LINGO1: variants seen among roughly 807,000 people sequenced by gnomAD.
The protein encoded by LINGO1 is leucine-rich repeat and immunoglobulin-like domain-containing nogo receptor-interacting protein 1.
A neutral mutation model predicts 37.3 loss-of-function variants in LINGO1; 11 were observed. The observed-to-expected ratio is 0.29, with a 90% CI of 0.19 to 0.49. LINGO1 has a LOEUF of 0.49. Ranked by LOEUF, LINGO1 falls within the 20% of genes least tolerant of loss-of-function variation. The pLI is 0.99. For synonymous variants in LINGO1, 387 were observed against 403.0 expected, an observed-to-expected ratio of 0.96 and a Z score of 0.48; for missense variants, 585 against 878.2, an observed-to-expected ratio of 0.67 and a Z score of 4.22.
intron 1 of LINGO1, among the ~76,000 whole-genome samples, chr15:77,616,613 C>T (rs913090642): frequency 6.6e-6 from 1 of 152,170 alleles, no homozygotes; most frequent in Non-Finnish European, 1.5e-5. Context: ...CCTGAAGCTG[C>T]CCTCCCTCCT....
At chr15:77,617,653 T>C (rs189632889) in intron 1 of LINGO1, among the ~76,000 whole-genome samples, 2 of 152,316 alleles carry the variant, frequency 1.3e-5, no homozygotes, top group Admixed American at 6.5e-5. Flanking sequence ...TTGTCATCCA[T>C]GCATCAGCCA....
chr15:77,694,496 C>T (rs867071354), intron 1 of LINGO1, among the ~76,000 whole-genome samples: 7 of 152,096 alleles, frequency 4.6e-5, no homozygotes, highest in Admixed American at 3.3e-4. Context: ...CCCTGGAAGA[C>T]GCAGGAATCT....
intron 1 of LINGO1, among the ~76,000 whole-genome samples, chr15:77,753,729 G>A (rs2076393101): frequency 6.6e-6 from 1 of 152,176 alleles, no homozygotes; most frequent in African/African-American, 2.4e-5. Context: ...AGGGAGGAGA[G>A]GGCTGGAGGC....
Position 77,734,476 on chromosome 15 carries a change from C to T in LINGO1, c.-195+516G>A, listed in dbSNP as rs75008838. The stretch of plus-strand genomic sequence containing the variant: ...CCCTCATCTAACAGTGATCCCCAGA[C>T]ACAGCAATAGTGTCTGAAAAATGCT... On this transcript the variant is annotated intron_variant, in intron 2 of 3. Transcript: ENST00000561686. Among the ~76,000 whole-genome samples, 547 of 150,960 alleles carry T rather than the reference C, an allele frequency of 3.6e-3. 5 individuals are homozygous for T. The highest frequency in any genetic ancestry group is 0.013 in the African/African-American group (513 of 40,610).
intron 3 of LINGO1, among the ~76,000 whole-genome samples, chr15:77,650,143 TTTG>T (rs1194381471): frequency 6.6e-6 from 1 of 152,220 alleles, no homozygotes; most frequent in African/African-American, 2.4e-5. Flanking sequence ...GCCCTGGGGC[TTTG>T]TTGCCAATTA....
intron 1 of LINGO1, among the ~76,000 whole-genome samples, chr15:77,768,125 T>G (rs982693158): frequency 6.6e-6 from 1 of 152,158 alleles, no homozygotes; most frequent in Non-Finnish European, 1.5e-5. Context: ...CCTGCTTTCC[T>G]GCCCTAACCT....
At chr15:77,701,684 A>G (rs189440688) in intron 2 of LINGO1, among the ~76,000 whole-genome samples, 16 of 152,202 alleles carry the variant, frequency 1.1e-4, no homozygotes, top group African/African-American at 3.6e-4. Context: ...TGATTGTTAA[A>G]AAGAGCCTGG....
chr15:77,788,888 G>A (rs930128537), upstream of LINGO1, among the ~76,000 whole-genome samples: 1 of 152,190 alleles, frequency 6.6e-6, no homozygotes, highest in African/African-American at 2.4e-5. Flanking sequence ...CAAAGGATAC[G>A]GGGATTGGAT....
chr15:77,686,757 C>T lies in LINGO1; in HGVS notation c.-99+3963G>A, dbSNP rs77756947. ...TCAATGGCCCCTGCCTCCAGCACCT[C>T]CATCTCCCACCTGCTGCCAGAGGAA... On this transcript the variant is annotated intron_variant, in intron 2 of 3. Coordinates refer to the LINGO1 transcript ENST00000559893. Among the ~76,000 whole-genome samples the T allele has an allele frequency of 3.7e-3, 568 of 152,322 alleles. 3 individuals carry two copies. Among genetic ancestry groups the T allele is most frequent in the Non-Finnish European group, 4.4e-3 (302 of 68,024 alleles).
intron 1 of LINGO1, among the ~76,000 whole-genome samples, chr15:77,694,128 A>G (rs1596118699): frequency 2.0e-5 from 3 of 152,142 alleles, no homozygotes; most frequent in Admixed American, 6.5e-5. Flanking sequence ...AGCTTCTTCA[A>G]TTCTGTCAAT....
chr15:77,696,416 T>C (rs911954606), exon 1 of LINGO1: 1 of 152,324 alleles, frequency 6.6e-6, no homozygotes, highest in Non-Finnish European at 1.5e-5. Context: ...ACAAGGCCAC[T>C]GGTCAGCCAG....
At chr15:77,727,455 C>T (rs565318361) in intron 2 of LINGO1, among the ~76,000 whole-genome samples, 9 of 152,226 alleles carry the variant, frequency 5.9e-5, no homozygotes, top group South Asian at 4.2e-4. Flanking sequence ...TGGATGAACA[C>T]GGAGGACATT....
At chr15:77,792,872 C>T (rs1209458110) in intron 2 of LINGO1, among the ~76,000 whole-genome samples, 2 of 152,224 alleles carry the variant, frequency 1.3e-5, no homozygotes, top group Non-Finnish European at 2.9e-5. Flanking sequence ...ACTGCACATT[C>T]ATCCTTGGGA....
intron 2 of LINGO1, among the ~76,000 whole-genome samples, chr15:77,702,428 G>C (rs2075796104): frequency 6.6e-6 from 1 of 152,108 alleles, no homozygotes; most frequent in East Asian, 1.9e-4. Flanking sequence ...TATCACAGAT[G>C]ACCCCACCCT....
At position 77,614,945 on chromosome 15, in the gene LINGO1, C is replaced by T; in HGVS notation, c.962G>A (p.Gly321Glu). The change falls in exon 2 of 2, where the codon GGG becomes GAG. Residue 321 changes from glycine (G) to glutamate (E), a missense_variant. Transcript: ENST00000355300. ...ATAGGGCTCCACCACGGCCAGCTGC[C>T]CGCCCACCAGCTGGATCTCCTGCAG... ...LRLQEIQLVGGQLAVVEPYAF... is the reference protein window; with the variant it reads ...LRLQEIQLVGEQLAVVEPYAF... The T allele has an allele frequency of 6.2e-7, 1 of 1,613,782 alleles. No homozygotes were observed. Among genetic ancestry groups the T allele is most frequent in the Non-Finnish European group, 8.5e-7 (1 of 1,179,832 alleles).
rs895150278 is a variant in LINGO1 at position 77,714,844 on chromosome 15, T to C, written c.-195+20148A>G. On this transcript the variant is annotated intron_variant, in intron 2 of 3. Coordinates refer to the LINGO1 transcript ENST00000561686. ...CCCCAAACAATAACTGATACCCAGATGACTCGATGACATGATCATTTCCCC... is the reference window on the plus strand; with the variant it reads ...CCCCAAACAATAACTGATACCCAGACGACTCGATGACATGATCATTTCCCC... Among the ~76,000 whole-genome samples, 3 of 152,356 alleles carry C rather than the reference T, an allele frequency of 2.0e-5. No homozygotes were observed. In the East Asian group the frequency reaches 5.8e-4, roughly 29 times the overall value.
At chr15:77,623,853 CTGTG>C (rs59528630) in intron 1 of LINGO1, among the ~76,000 whole-genome samples, 4,055 of 146,178 alleles carry the variant, frequency 0.028, 75 homozygotes, top group African/African-American at 0.058. Flanking sequence ...TGTGAGTGGC[CTGTG>C]TGTGTGTGTG....
intron 1 of LINGO1, chr15:77,820,244 A>G (rs1393302249): frequency 6.6e-6 from 1 of 152,112 alleles, no homozygotes; most frequent in Non-Finnish European, 1.5e-5. Flanking sequence ...CCCGGGCTTA[A>G]AGGGATAGCG....
Position 77,783,186 on chromosome 15 carries a change from G to A in LINGO1, c.-257+3683C>T, listed in dbSNP as rs533414926. ...TCCACGGCCCTGTCGTTTCCCTCCC[G>A]AGCTCAGCACAGTCTGAGGTTACCC... On this transcript the variant is annotated intron_variant, in intron 1 of 3. Transcript: ENST00000561686. 6.7e-4 allele frequency among the ~76,000 whole-genome samples: 102 copies of A among 152,190 alleles called. 1 individual carries two copies. Among genetic ancestry groups the A allele is most frequent in the Middle Eastern group, 3.4e-3 (1 of 294 alleles).
Sources: gnomAD v4.1 joint callset for allele counts (sites outside exome capture counted in the v4.1 genomes callset) on GRCh38, gnomAD v4.1.1 for gene constraint, MANE v1.5 for transcripts, NCBI Gene and HGNC (gene_info 2026-07-23, HGNC 2026-07-21) for gene names.